Variants in LRRC4C observed in about 807,000 individuals in gnomAD.
The protein encoded by LRRC4C is leucine rich repeat containing 4C.
A neutral mutation model predicts 33.6 loss-of-function variants in LRRC4C; 5 were observed. The observed-to-expected ratio is 0.15, with a 90% CI of 0.08 to 0.31. The LOEUF is 0.31. LRRC4C is among the 10% of genes least tolerant of loss of function. The pLI, the probability that LRRC4C is intolerant of heterozygous loss-of-function variation, is 1.00. For synonymous variants in LRRC4C, 329 were observed against 302.0 expected (o/e 1.09, Z -0.93); for missense variants, 560 against 796.7 (o/e 0.70, Z 3.58).
At chr11:40,848,773 G>C (rs1056393194) in intron 2 of LRRC4C, among the ~76,000 whole-genome samples, 2 of 152,126 alleles carry the variant, frequency 1.3e-5, no homozygotes, top group African/African-American at 2.4e-5. Context: ...TATTGCGTGG[G>C]AGTCTATGTC....
At chr11:41,145,634 C>T (rs1469252987) in intron 1 of LRRC4C, among the ~76,000 whole-genome samples, 1 of 152,070 alleles carries the variant, frequency 6.6e-6, no homozygotes, top group East Asian at 1.9e-4. Flanking sequence ...GTTGACCCTC[C>T]CATATAGTAA....
At chr11:41,373,834 T>C (rs1591376662) in intron 1 of LRRC4C, among the ~76,000 whole-genome samples, 1 of 152,306 alleles carries the variant, frequency 6.6e-6, no homozygotes, top group East Asian at 1.9e-4. Context: ...TCAATAAAAG[T>C]ATAAACATAT....
intron 1 of LRRC4C, among the ~76,000 whole-genome samples, chr11:41,293,247 CTTTG>C (rs1354126141): frequency 6.6e-6 from 1 of 151,908 alleles, no homozygotes; most frequent in African/African-American, 2.4e-5. Flanking sequence ...TTGTATTTGT[CTTTG>C]TTTTCAAAAT....
intron 3 of LRRC4C, among the ~76,000 whole-genome samples, chr11:40,588,103 T>C (rs1327973506): frequency 6.6e-6 from 1 of 151,740 alleles, no homozygotes; most frequent in Non-Finnish European, 1.5e-5. Flanking sequence ...ATCCATCTGG[T>C]CCTGGACTCT....
At chr11:40,999,773 T>C (rs1854238688) in intron 1 of LRRC4C, among the ~76,000 whole-genome samples, 1 of 152,108 alleles carries the variant, frequency 6.6e-6, no homozygotes, top group African/African-American at 2.4e-5. Flanking sequence ...TTTACTTAGG[T>C]AAGCCTAAAG....
chr11:41,168,398 G>C (rs1944825561), intron 1 of LRRC4C, among the ~76,000 whole-genome samples: 1 of 152,162 alleles, frequency 6.6e-6, no homozygotes, highest in Non-Finnish European at 1.5e-5. Context: ...CCACCATTTA[G>C]TTAAATTACC....
At position 41,012,297 on chromosome 11, in the gene LRRC4C, T is replaced by A. The variant is rs561062734; in HGVS notation, c.-495-78574A>T. 1.6e-3 allele frequency among the ~76,000 whole-genome samples: 250 copies of A among 152,286 alleles called. 2 individuals are homozygous for A. Among genetic ancestry groups the A allele is most frequent in the African/African-American group, 5.9e-3 (246 of 41,562 alleles). ...TTTACTCTCTCTCCATAAGATATAC[T>A]TTTTTAGTTGGCACATAAGAGTGAG... On this transcript the variant is annotated intron_variant, in intron 1 of 6. Coordinates refer to ENST00000528697, the MANE Select transcript of LRRC4C (RefSeq NM_001258419.2).
At chr11:41,211,317 T>A (rs1270068178) in intron 1 of LRRC4C, among the ~76,000 whole-genome samples, 1 of 152,248 alleles carries the variant, frequency 6.6e-6, no homozygotes, top group African/African-American at 2.4e-5. Flanking sequence ...ACTAATCTTT[T>A]TTTATTCATT....
intron 5 of LRRC4C, among the ~76,000 whole-genome samples, chr11:40,203,540 A>C (rs2135748864): frequency 6.6e-6 from 1 of 152,322 alleles, no homozygotes; most frequent in East Asian, 1.9e-4. Flanking sequence ...GGTTACTAAA[A>C]GTAGAAGCTC....
chr11:40,988,713 C>CTTTTTTT (rs869034558), intron 1 of LRRC4C, among the ~76,000 whole-genome samples: 6 of 57,740 alleles, frequency 1.0e-4, no homozygotes, highest in Non-Finnish European at 1.7e-4. Flanking sequence ...CTTTTCTTTT[C>CTTTTTTT]TTTTTTTTTT....
chr11:40,672,249 A>G lies in LRRC4C; in HGVS notation c.-406-23971T>C, dbSNP rs1024685061. 3.3e-5 allele frequency among the ~76,000 whole-genome samples: 5 copies of G among 152,024 alleles called. No homozygotes were observed. The South Asian group carries it at 8.3e-4, about 25-fold the overall frequency. On this transcript the variant is annotated intron_variant, in intron 2 of 6. Transcript: ENST00000528697. ...CACTGTGTCCTCTCATGGTGGGAGG[A>G]GTGAGGGTTCTCTCTTGGGCCTCTT...
chr11:41,184,112 TG>T, intron 1 of LRRC4C, among the ~76,000 whole-genome samples: 1 of 152,310 alleles, frequency 6.6e-6, no homozygotes, highest in Middle Eastern at 3.4e-3. Context: ...CCTAGACCTT[TG>T]GGCCTGTAAT....
intron 3 of LRRC4C, among the ~76,000 whole-genome samples, chr11:40,462,375 A>G (rs2031060334): frequency 2.0e-5 from 3 of 152,114 alleles, no homozygotes; most frequent in Admixed American, 2.0e-4. Flanking sequence ...AGTTCAGATG[A>G]TTTGATGTTA....
intron 2 of LRRC4C, among the ~76,000 whole-genome samples, chr11:40,911,411 C>G (rs560614014): frequency 6.6e-6 from 1 of 152,202 alleles, no homozygotes; most frequent in South Asian, 2.1e-4. Flanking sequence ...TCTGCATCCT[C>G]TGACGCTGAT....
At chr11:41,139,815 A>G (rs1478841275) in intron 1 of LRRC4C, among the ~76,000 whole-genome samples, 1 of 152,126 alleles carries the variant, frequency 6.6e-6, no homozygotes, top group Admixed American at 6.6e-5. Flanking sequence ...CAGGGTGGGG[A>G]TACTGCTAGC....
intron 1 of LRRC4C, among the ~76,000 whole-genome samples, chr11:41,173,791 A>C (rs1945080683): frequency 6.6e-6 from 1 of 152,014 alleles, no homozygotes; most frequent in Non-Finnish European, 1.5e-5. Flanking sequence ...AATCTCTCTA[A>C]CTTCAGTGCA....
intron 1 of LRRC4C, among the ~76,000 whole-genome samples, chr11:41,142,190 G>A (rs950230785): frequency 1.3e-5 from 2 of 152,012 alleles, no homozygotes; most frequent in African/African-American, 2.4e-5. Context: ...GTTTTCAGCT[G>A]TCGCTAAGGC....
intron 1 of LRRC4C, among the ~76,000 whole-genome samples, chr11:41,073,398 C>T (rs1938864160): frequency 6.6e-6 from 1 of 150,586 alleles, no homozygotes; most frequent in African/African-American, 2.5e-5. Context: ...CCAGGGGGAG[C>T]ATCTATTTAT....
At chr11:40,584,787 C>T (rs1958636839) in intron 3 of LRRC4C, among the ~76,000 whole-genome samples, 1 of 151,708 alleles carries the variant, frequency 6.6e-6, no homozygotes, top group African/African-American at 2.4e-5. Flanking sequence ...CAAAAATTAG[C>T]CAGGCATGGT....
Sources: allele counts gnomAD v4.1 joint callset (sites outside exome capture counted in the v4.1 genomes callset), GRCh38; gene constraint gnomAD v4.1.1; transcripts MANE v1.5; gene names NCBI Gene and HGNC (gene_info 2026-07-23, HGNC 2026-07-21).